Variants in NFX1 observed in about 807,000 individuals in gnomAD.
NFX1 encodes nuclear transcription factor, X-box binding 1.
In NFX1, 69 loss-of-function variants were observed where a neutral mutation model predicts 137.2. The observed-to-expected ratio is 0.50, with a 90% CI of 0.41 to 0.61. NFX1 has a LOEUF of 0.61. Ranked by LOEUF, NFX1 falls within the 20% of genes least tolerant of loss-of-function variation. The pLI is 0.00. For missense variants in NFX1, 1,167 were observed against 1,391.0 expected, an observed-to-expected ratio of 0.84 and a Z score of 2.56; for synonymous variants, 495 against 474.1, an observed-to-expected ratio of 1.04 and a Z score of -0.57.
chr9:33,334,782 A>G (rs532258603), intron 11 of NFX1, among the ~76,000 whole-genome samples: 2 of 152,200 alleles, frequency 1.3e-5, no homozygotes, highest in Non-Finnish European at 2.9e-5. Flanking sequence ...GCCTTGTCAT[A>G]GTTCACCATG....
intron 21 of NFX1, among the ~76,000 whole-genome samples, chr9:33,366,325 C>A (rs778984860): frequency 5.3e-5 from 8 of 152,136 alleles, no homozygotes; most frequent in Non-Finnish European, 1.2e-4. Context: ...ACCCACTCCC[C>A]AGTTATGGAA....
intron 19 of NFX1, among the ~76,000 whole-genome samples, chr9:33,358,969 G>T (rs1173565989): frequency 6.6e-6 from 1 of 151,774 alleles, no homozygotes; most frequent in Non-Finnish European, 1.5e-5. Flanking sequence ...AAAGTGCTGG[G>T]TTTACAGGCG....
intron 9 of NFX1, among the ~76,000 whole-genome samples, chr9:33,325,430 G>A (rs962948784): frequency 5.3e-5 from 8 of 152,146 alleles, no homozygotes; most frequent in Admixed American, 3.3e-4. Flanking sequence ...TTGAGAGGCC[G>A]AGGCGGGTGG....
chr9:33,326,219 C>G (rs1379059950), intron 9 of NFX1, among the ~76,000 whole-genome samples: 1 of 152,056 alleles, frequency 6.6e-6, no homozygotes, highest in Non-Finnish European at 1.5e-5. Flanking sequence ...TTGAGACCAG[C>G]CTGACCAACA....
rs1468347225 is a variant in NFX1 at position 33,301,398 on chromosome 9, C to A, written c.1169C>A (p.Ala390Glu). 6.2e-7 allele frequency: 1 copy of A among 1,614,008 alleles called. No homozygotes were observed. Among genetic ancestry groups the A allele is most frequent in the African/African-American group, 1.3e-5 (1 of 75,026 alleles). Reference sequence around the variant, plus strand: ...CATTTGAACTGCATAAAGAAATGGGCAAGGTCTCCAGCATCTCAAGCAGGT... The same window carrying A: ...CATTTGAACTGCATAAAGAAATGGGAAAGGTCTCCAGCATCTCAAGCAGGT... ...VFHLNCIKKW[A>E]RSPASQADGQ... The change falls in exon 3 of 24, where the codon GCA becomes GAA. Residue 390 changes from alanine (A) to glutamate (E), a missense_variant. Coordinates refer to ENST00000379540, the MANE Select transcript of NFX1 (RefSeq NM_002504.6).
At position 33,311,156 on chromosome 9, in the gene NFX1, CAT is replaced by C. The variant is rs747289879; in HGVS notation, c.1428_1429del (p.Cys477Ter). 6.2e-7 allele frequency: 1 copy of C among 1,607,454 alleles called. No individual in the cohort carries two copies. The highest frequency in any genetic ancestry group is 8.5e-7 in the Non-Finnish European group (1 of 1,175,908). On this transcript the variant is annotated frameshift_variant, in exon 6 of 24. Coordinates refer to ENST00000379540, the MANE Select transcript of NFX1 (RefSeq NM_002504.6). LOFTEE classifies it high-confidence loss of function. ...CCCTGCCCTGCCTTTATGACAAAAA[CAT>C]GTGAATGTGGACGAACCAGGTAAAG...
At chr9:33,337,870 G>A (rs372225324) in intron 11 of NFX1, among the ~76,000 whole-genome samples, 50 of 152,230 alleles carry the variant, frequency 3.3e-4, no homozygotes, top group African/African-American at 1.1e-3. Flanking sequence ...CCAACATGGC[G>A]AAACCCTGTC....
chr9:33,316,208 G>C (rs1281835233), intron 7 of NFX1, among the ~76,000 whole-genome samples: 1 of 152,080 alleles, frequency 6.6e-6, no homozygotes, highest in Non-Finnish European at 1.5e-5. Flanking sequence ...CTCTTCAAGA[G>C]AATGAAGAGT....
intron 3 of NFX1, 78 bp downstream of exon 3, chr9:33,301,499 A>C (rs1425653066): frequency 6.8e-7 from 1 of 1,463,828 alleles, no homozygotes; most frequent in Non-Finnish European, 9.2e-7. Context: ...AGCTTTAAAA[A>C]TACAGTTTAA....
intron 11 of NFX1, among the ~76,000 whole-genome samples, chr9:33,338,090 C>T (rs1279052423): frequency 6.6e-6 from 1 of 150,946 alleles, no homozygotes; most frequent in Non-Finnish European, 1.5e-5. Flanking sequence ...CGTGTTGGCT[C>T]ACACCTGTAA....
At chr9:33,369,126 C>T (rs1426085585) in intron 23 of NFX1, among the ~76,000 whole-genome samples, 2 of 151,836 alleles carry the variant, frequency 1.3e-5, no homozygotes, top group African/African-American at 2.4e-5. Context: ...AGTGCAGTGG[C>T]GCGATCTCAG....
intron 19 of NFX1, among the ~76,000 whole-genome samples, chr9:33,357,108 G>A (rs922325561): frequency 4.0e-5 from 6 of 151,536 alleles, no homozygotes; most frequent in South Asian, 2.1e-4. Context: ...TCAGCAGATC[G>A]AGACCATCCT....
chr9:33,332,761 A>C, intron 11 of NFX1: 1 of 396,058 alleles, frequency 2.5e-6, no homozygotes, highest in East Asian at 4.1e-5. Flanking sequence ...GGTAGGTAGA[A>C]GAATGGATAT....
chr9:33,291,846 TGA>T (rs1821173440), intron 1 of NFX1, among the ~76,000 whole-genome samples: 1 of 152,170 alleles, frequency 6.6e-6, no homozygotes. Flanking sequence ...GAAGTTGCAG[TGA>T]GCCAAGATCG....
rs779827679 is a variant in NFX1 at position 33,338,568 on chromosome 9, A to G, written c.2094A>G (p.Lys698=). 4.4e-6 allele frequency: 7 copies of G among 1,601,244 alleles called. No individual in the cohort carries two copies. The African/African-American group carries it at 5.4e-5, about 12-fold the overall frequency. ...CNKKRLCGRH[K]CNEICCVDKE... ...AGAAACGGTTGTGTGGACGGCATAA[A>G]TGTAATGAGATATGCTGTGTGGTAA... The change falls in exon 12 of 24, where the codon AAA becomes AAG. Residue 698 remains lysine (K), a synonymous_variant. Coordinates refer to ENST00000379540, the MANE Select transcript of NFX1 (RefSeq NM_002504.6).
rs113433967 is a variant in NFX1 at position 33,318,843 on chromosome 9, G to A, written c.1688+13G>A. 13 of 1,614,092 alleles carry A rather than the reference G, an allele frequency of 8.1e-6. No homozygotes were observed. The highest frequency in any genetic ancestry group is 3.3e-5 in the South Asian group (3 of 91,086). ...AGATATGTGGCAAGTAAGGTTTTAC[G>A]TTTTCTTCAGTTGAACTAAAGCTGC... On this transcript the variant is annotated intron_variant, in intron 8 of 23. Coordinates refer to ENST00000379540, the MANE Select transcript of NFX1 (RefSeq NM_002504.6).
rs376352872 is a variant in NFX1, at chr9:33,369,157, C to G, written c.3291-749C>G. ...CTCAGCTCACTGCAAGCTCCGCCTC[C>G]CGGGTTCATGCCATTCTCCTGCCTC... On this transcript the variant is annotated intron_variant, in intron 23 of 23. Coordinates refer to ENST00000379540, the MANE Select transcript of NFX1 (RefSeq NM_002504.6). Among the ~76,000 whole-genome samples, 105 of 152,268 alleles carry G rather than the reference C, an allele frequency of 6.9e-4. 2 individuals carry two copies. The highest frequency in any genetic ancestry group is 2.4e-3 in the African/African-American group (99 of 41,536).
At chr9:33,341,181 T>TA (rs766130876) in intron 12 of NFX1, among the ~76,000 whole-genome samples, 4 of 152,182 alleles carry the variant, frequency 2.6e-5, no homozygotes, top group Non-Finnish European at 2.9e-5. Flanking sequence ...TTAATGGACT[T>TA]ACAGTTCCAA....
chr9:33,348,864 C>A (rs561900502), intron 15 of NFX1: 1 of 824,576 alleles, frequency 1.2e-6, no homozygotes, highest in South Asian at 5.5e-5. Context: ...TTGCTACATT[C>A]CAACTGTCCT....
Sources: allele counts gnomAD v4.1 joint callset (sites outside exome capture counted in the v4.1 genomes callset), GRCh38; gene constraint gnomAD v4.1.1; transcripts MANE v1.5; gene names NCBI Gene and HGNC (gene_info 2026-07-23, HGNC 2026-07-21).